The following GPR160 variants were observed in gnomAD, a reference collection of about 807,000 sequenced individuals.
GPR160 encodes probable G protein-coupled receptor 160.
GPR160 carries 2 observed loss-of-function variants against 2.6 expected under a neutral mutation model. The observed-to-expected ratio is 0.77, with a 90% confidence interval of 0.32 to 2.44. The LOEUF (loss-of-function observed/expected upper bound fraction) is 2.44, where lower values mean the gene tolerates loss of function less well. GPR160 is among the 30% of genes most tolerant of loss of function. The pLI, the probability that GPR160 is intolerant of heterozygous loss-of-function variation, is 0.11. For synonymous variants in GPR160, 130 were observed against 132.2 expected (o/e 0.98, Z 0.12); for missense variants, 351 against 383.6 (o/e 0.91, Z 0.71).
chr3:170,044,420 C>T (rs77939013), intron 2 of GPR160, among the ~76,000 whole-genome samples: 3,155 of 151,602 alleles, frequency 0.021, 118 homozygotes, highest in African/African-American at 0.072. Flanking sequence ...CTCTGTCAGA[C>T]GAATACAAGC....
chr3:170,068,051 T>A (rs997247271), intron 2 of GPR160, among the ~76,000 whole-genome samples: 3 of 152,216 alleles, frequency 2.0e-5, no homozygotes, highest in African/African-American at 7.2e-5. Flanking sequence ...CTAAAATGTC[T>A]ACGTGGGTGG....
intron 2 of GPR160, among the ~76,000 whole-genome samples, chr3:170,070,235 C>A (rs1409737795): frequency 6.6e-6 from 1 of 152,142 alleles, no homozygotes; most frequent in East Asian, 1.9e-4. Flanking sequence ...GTTGTTGAAA[C>A]AATTTATTGA....
chr3:170,070,904 A>T, intron 2 of GPR160, among the ~76,000 whole-genome samples: 1 of 152,200 alleles, frequency 6.6e-6, no homozygotes, highest in Non-Finnish European at 1.5e-5. Flanking sequence ...AAAATAAGTT[A>T]AAACACTCAT....
chr3:170,049,323 A>C (rs1469503947), intron 2 of GPR160, among the ~76,000 whole-genome samples: 2 of 152,142 alleles, frequency 1.3e-5, no homozygotes, highest in African/African-American at 4.8e-5. Flanking sequence ...CTGATAATTC[A>C]TTTGACTCAT....
intron 2 of GPR160, among the ~76,000 whole-genome samples, chr3:170,079,445 T>TA (rs1713023724): frequency 6.6e-6 from 1 of 152,236 alleles, no homozygotes; most frequent in East Asian, 1.9e-4. Flanking sequence ...TTATTGATGT[T>TA]AACATGCATC....
rs1716294841 is a variant in GPR160, at chr3:170,038,491, C to T, written c.-322+276C>T. On this transcript the variant is annotated intron_variant, in intron 1 of 3. Coordinates refer to ENST00000355897, the MANE Select transcript of GPR160 (RefSeq NM_014373.3). The surrounding 1 kb of genome is among the most constrained non-coding windows in gnomAD (Gnocchi z 5.3). ...CTGGGGTCTGTCGTGGGTTTGAGGGCAGGGGGTCTGGGGAATGGGCGTGTC... is the reference window on the plus strand; with the variant it reads ...CTGGGGTCTGTCGTGGGTTTGAGGGTAGGGGGTCTGGGGAATGGGCGTGTC... The T allele has an allele frequency of 6.6e-6, 1 of 152,276 alleles. No homozygotes were observed. Among genetic ancestry groups the T allele is most frequent in the Admixed American group, 6.5e-5 (1 of 15,280 alleles). The allele number at this position is 152,276 out of a possible 1,614,324, so 9.4% of individuals were successfully genotyped here. A position where few individuals can be genotyped will look rare whatever the true frequency, so the allele number is the denominator to read the frequency against.
At chr3:170,040,951 T>C (rs1028956116) in intron 2 of GPR160, among the ~76,000 whole-genome samples, 1 of 151,990 alleles carries the variant, frequency 6.6e-6, no homozygotes, top group African/African-American at 2.4e-5. Flanking sequence ...TGAAAGAGGG[T>C]AAGGAAGGAG....
At chr3:170,044,923 T>C (rs1212721993) in intron 2 of GPR160, among the ~76,000 whole-genome samples, 1 of 152,138 alleles carries the variant, frequency 6.6e-6, no homozygotes, top group East Asian at 1.9e-4. Context: ...GGGGTTTCTG[T>C]GATGCAAGTC....
chr3:170,045,446 A>AAAAAAAAAAAG (rs1716677104), intron 2 of GPR160, among the ~76,000 whole-genome samples: 1 of 119,314 alleles, frequency 8.4e-6, no homozygotes, highest in Non-Finnish European at 1.7e-5. Flanking sequence ...AAAAAAAAAA[A>AAAAAAAAAAAG]ACCAATTAGC....
chr3:170,045,989 G>C (rs1716704865), intron 2 of GPR160, among the ~76,000 whole-genome samples: 1 of 152,210 alleles, frequency 6.6e-6, no homozygotes, highest in Admixed American at 6.5e-5. Flanking sequence ...TCAAGTGCTT[G>C]TAACAGTGCC....
chr3:170,042,293 C>T (rs1286588484), intron 2 of GPR160, among the ~76,000 whole-genome samples: 2 of 151,002 alleles, frequency 1.3e-5, no homozygotes, highest in Admixed American at 6.6e-5. Flanking sequence ...TGGTGGTGCA[C>T]GCCTGTAGTC....
chr3:170,076,660 C>T (rs995478391), intron 2 of GPR160, among the ~76,000 whole-genome samples: 9 of 152,122 alleles, frequency 5.9e-5, no homozygotes, highest in Admixed American at 1.3e-4. Context: ...TCTCCTGCTG[C>T]AGCCTCCTGA....
At chr3:170,073,749 T>A (rs1483366153) in intron 2 of GPR160, among the ~76,000 whole-genome samples, 1 of 152,176 alleles carries the variant, frequency 6.6e-6, no homozygotes, top group African/African-American at 2.4e-5. Context: ...CCTTGTGAAA[T>A]GAGTTGGGAG....
At chr3:170,061,268 C>CT (rs1386566453) in intron 2 of GPR160, among the ~76,000 whole-genome samples, 1 of 147,494 alleles carries the variant, frequency 6.8e-6, no homozygotes, top group Non-Finnish European at 1.5e-5. Context: ...GAGTGAGACT[C>CT]TGTCTCAAAA....
At chr3:170,042,034 C>G (rs1353723388) in intron 2 of GPR160, among the ~76,000 whole-genome samples, 1 of 152,148 alleles carries the variant, frequency 6.6e-6, no homozygotes, top group Admixed American at 6.5e-5. Flanking sequence ...AAATGGCTCC[C>G]TTGTTGGGCT....
chr3:170,045,190 C>T (rs955127660), intron 2 of GPR160, among the ~76,000 whole-genome samples: 24 of 151,770 alleles, frequency 1.6e-4, no homozygotes, highest in Admixed American at 1.4e-3. Flanking sequence ...CTTTGTCACT[C>T]GAGTTGTCAG....
intron 2 of GPR160, among the ~76,000 whole-genome samples, chr3:170,052,270 A>G (rs1716990701): frequency 6.6e-6 from 1 of 152,208 alleles, no homozygotes; most frequent in Non-Finnish European, 1.5e-5. Context: ...TAGTAGAAGT[A>G]CTGGATCATA....
chr3:170,075,581 A>G (rs1712812009), intron 2 of GPR160, among the ~76,000 whole-genome samples: 1 of 152,178 alleles, frequency 6.6e-6, no homozygotes, highest in Non-Finnish European at 1.5e-5. Context: ...AGGCTCCACC[A>G]TCTTGTAATG....
intron 2 of GPR160, among the ~76,000 whole-genome samples, chr3:170,046,763 G>C (rs975081781): frequency 1.3e-5 from 2 of 152,038 alleles, no homozygotes; most frequent in African/African-American, 2.4e-5. Context: ...GCAGGTTTCT[G>C]TTTGTTTACA....
Sources: allele counts gnomAD v4.1 joint callset (sites outside exome capture counted in the v4.1 genomes callset), GRCh38; gene constraint gnomAD v4.1.1; non-coding constraint Gnocchi (gnomAD v3.1); transcripts MANE v1.5; gene names NCBI Gene and HGNC (gene_info 2026-07-23, HGNC 2026-07-21).